Variants in AGAP1 observed in about 807,000 individuals in gnomAD.
AGAP1 encodes the protein ArfGAP with GTPase domain, ankyrin repeat and PH domain 1.
Under a neutral mutation model 105.3 loss-of-function variants are expected in AGAP1, and 29 were observed. The observed-to-expected ratio is 0.28, with a 90% CI of 0.21 to 0.38. The LOEUF is 0.38. AGAP1 is among the 10% of genes least tolerant of loss of function. The pLI, the probability that AGAP1 is intolerant of heterozygous loss-of-function variation, is 1.00. For missense variants in AGAP1, 998 were observed against 1,165.1 expected (o/e 0.86, Z 2.09); for synonymous variants, 509 against 485.9 (o/e 1.05, Z -0.63).
rs916987517 is a variant in AGAP1 at position 235,631,533 on chromosome 2, C to G, written c.164-77646C>G. Among the ~76,000 whole-genome samples, 2 of 152,192 alleles carry G rather than the reference C, an allele frequency of 1.3e-5. No individual in the cohort carries two copies. The highest frequency in any genetic ancestry group is 4.8e-5 in the African/African-American group (2 of 41,450). On this transcript the variant is annotated intron_variant, in intron 1 of 17. Coordinates refer to ENST00000304032, the MANE Select transcript of AGAP1 (RefSeq NM_001037131.3). The surrounding 1 kb of genome is among the most constrained non-coding windows in gnomAD (Gnocchi z 5.4). The stretch of plus-strand genomic sequence containing the variant: ...AAAGGTCAGTCTGCCAAGGCCCCTC[C>G]TTGTGAAGATGGACACTGAGGGCAC...
intron 1 of AGAP1, among the ~76,000 whole-genome samples, chr2:235,558,170 T>G (rs115844141): frequency 1.4e-3 from 210 of 152,174 alleles, no homozygotes; most frequent in African/African-American, 4.9e-3. Flanking sequence ...ACACGCACAT[T>G]TATGGGGATT....
At chr2:235,840,768 G>GTTTT (rs11373301) in intron 9 of AGAP1, among the ~76,000 whole-genome samples, 1 of 146,604 alleles carries the variant, frequency 6.8e-6, no homozygotes. Flanking sequence ...AGAAAGAAGA[G>GTTTT]TTTTTTTTTT....
Position 235,603,388 on chromosome 2 carries a change from A to G in AGAP1, c.164-105791A>G, listed in dbSNP as rs188120573. On this transcript the variant is annotated intron_variant, in intron 1 of 17. Transcript: ENST00000304032. Reference sequence around the variant, plus strand: ...GCATGAAAAACGAACTAAGGCACCTACTGTATTTGTTTTCTTGTCTGTGCA... The same window carrying G: ...GCATGAAAAACGAACTAAGGCACCTGCTGTATTTGTTTTCTTGTCTGTGCA... Among the ~76,000 whole-genome samples the G allele has an allele frequency of 2.6e-4, 40 of 152,248 alleles. No homozygotes were observed. The East Asian group carries it at 7.7e-3, about 29-fold the overall frequency.
intron 9 of AGAP1, among the ~76,000 whole-genome samples, chr2:235,857,516 C>T (rs898365721): frequency 4.6e-5 from 7 of 152,158 alleles, no homozygotes; most frequent in African/African-American, 1.2e-4. Flanking sequence ...TGTGCATGTC[C>T]GTTGAGCAGC....
intron 1 of AGAP1, among the ~76,000 whole-genome samples, chr2:235,513,542 A>G (rs975062460): frequency 1.2e-4 from 18 of 151,640 alleles, no homozygotes; most frequent in African/African-American, 3.4e-4. Context: ...AAAAAAAAAA[A>G]AAAAAGAAAT....
intron 9 of AGAP1, among the ~76,000 whole-genome samples, chr2:235,828,143 TG>T (rs1402168521): frequency 6.6e-6 from 1 of 152,186 alleles, no homozygotes; most frequent in Non-Finnish European, 1.5e-5. Flanking sequence ...TGGGAAATAA[TG>T]GGATTAAATT....
Position 235,875,640 on chromosome 2 carries a change from C to T in AGAP1, c.1051-7705C>T, listed in dbSNP as rs1002986939. On this transcript the variant is annotated intron_variant, in intron 9 of 17. Coordinates refer to ENST00000304032, the MANE Select transcript of AGAP1 (RefSeq NM_001037131.3). This position sits in a 1 kb window ranked among gnomAD's most constrained non-coding sequence, Gnocchi z 4.0. ...GAGTAGAGCTTCTCTCCCCAGCTTT[C>T]CCGGGAGTGTGTGGTCTCCTGTTTC... is the stretch of plus-strand genomic sequence containing the variant. Among the ~76,000 whole-genome samples, 1 of 152,156 alleles carries T rather than the reference C, an allele frequency of 6.6e-6. No individual in the cohort carries two copies. The highest frequency in any genetic ancestry group is 2.4e-5 in the African/African-American group (1 of 41,446).
At chr2:236,010,136 A>G (rs1343389358) in intron 13 of AGAP1, among the ~76,000 whole-genome samples, 1 of 151,958 alleles carries the variant, frequency 6.6e-6, no homozygotes, top group African/African-American at 2.4e-5. Flanking sequence ...AAAACAAAAA[A>G]CTTTTAGAGA....
intron 1 of AGAP1, among the ~76,000 whole-genome samples, chr2:235,694,327 A>G (rs965930031): frequency 1.3e-5 from 2 of 151,876 alleles, no homozygotes; most frequent in Non-Finnish European, 2.9e-5. Flanking sequence ...AAAATACAAA[A>G]AGTTAGCTGG....
rs934610230 is a variant in AGAP1 at position 235,741,823 on chromosome 2, G to A, written c.396+775G>A. ...GGCTGGAGTGCAGTGACGTGATCTC[G>A]GCTCACTACAAGCTCCACCTCCCAG... On this transcript the variant is annotated intron_variant, in intron 4 of 17. Transcript: ENST00000304032. The surrounding 1 kb of genome is among the most constrained non-coding windows in gnomAD (Gnocchi z 4.9). Among the ~76,000 whole-genome samples the A allele has an allele frequency of 6.6e-6, 1 of 150,414 alleles. No individual in the cohort carries two copies. Among genetic ancestry groups the A allele is most frequent in the African/African-American group, 2.5e-5 (1 of 40,802 alleles).
At position 235,739,038 on chromosome 2, in the gene AGAP1, TA is replaced by T. The variant is rs1952423011; in HGVS notation, c.311-1921del. On this transcript the variant is annotated intron_variant, in intron 3 of 17. Transcript: ENST00000304032. The surrounding 1 kb of genome is among the most constrained non-coding windows in gnomAD (Gnocchi z 5.3). ...AAATACGACTTTTATTAAAGCAGGT[TA>T]AAAGAACCTTGGCAGAAATTTCAAA... 6.6e-6 allele frequency among the ~76,000 whole-genome samples: 1 copy of T among 152,214 alleles called. No individual in the cohort carries two copies. The highest frequency in any genetic ancestry group is 1.5e-5 in the Non-Finnish European group (1 of 68,038).
Position 235,690,096 on chromosome 2 carries a change from A to G in AGAP1, c.164-19083A>G, listed in dbSNP as rs1289701224. 6.6e-6 allele frequency among the ~76,000 whole-genome samples: 1 copy of G among 150,930 alleles called. No homozygotes were observed. The highest frequency in any genetic ancestry group is 1.5e-5 in the Non-Finnish European group (1 of 67,744). On this transcript the variant is annotated intron_variant, in intron 1 of 17. Coordinates refer to ENST00000304032, the MANE Select transcript of AGAP1 (RefSeq NM_001037131.3). This position sits in a 1 kb window ranked among gnomAD's most constrained non-coding sequence, Gnocchi z 4.1. ...CTCGGGGTTTTCATGCAGTATTGAC[A>G]CTCTCTTCTCCCCAGGTGCTGAGTC...
At chr2:235,760,428 C>T (rs150007290) in intron 6 of AGAP1, among the ~76,000 whole-genome samples, 3 of 152,282 alleles carry the variant, frequency 2.0e-5, no homozygotes, top group East Asian at 1.9e-4. Flanking sequence ...AGATAGAATT[C>T]GTTATGAAGC....
At chr2:235,823,530 C>G (rs894384169) in intron 9 of AGAP1, among the ~76,000 whole-genome samples, 4 of 152,160 alleles carry the variant, frequency 2.6e-5, no homozygotes, top group Non-Finnish European at 5.9e-5. Context: ...CATCTTATAC[C>G]TAGGGAAACT....
In AGAP1 at chr2:235,639,704, C is replaced by T. The variant is rs114686586; in HGVS notation, c.164-69475C>T. On this transcript the variant is annotated intron_variant, in intron 1 of 17. Coordinates refer to ENST00000304032, the MANE Select transcript of AGAP1 (RefSeq NM_001037131.3). This position sits in a 1 kb window ranked among gnomAD's most constrained non-coding sequence, Gnocchi z 5.3. ...CTCCTTCACTCTTAGATAGTGGCAGCGCTTGCCTCGCTGCATCTCGTGTTC... is the reference window on the plus strand; with the variant it reads ...CTCCTTCACTCTTAGATAGTGGCAGTGCTTGCCTCGCTGCATCTCGTGTTC... 0.014 allele frequency among the ~76,000 whole-genome samples: 2,055 copies of T among 152,220 alleles called. 45 individuals carry two copies. The highest frequency in any genetic ancestry group is 0.046 in the African/African-American group (1,896 of 41,520).
intron 1 of AGAP1, among the ~76,000 whole-genome samples, chr2:235,504,269 G>C (rs182524073): frequency 6.6e-6 from 1 of 152,214 alleles, no homozygotes; most frequent in Non-Finnish European, 1.5e-5. Context: ...CTCATCTGTC[G>C]TGAGGGTCGT....
intron 1 of AGAP1, among the ~76,000 whole-genome samples, chr2:235,503,356 G>A (rs778226420): frequency 2.8e-4 from 43 of 152,308 alleles, no homozygotes; most frequent in Non-Finnish European, 7.3e-5. Flanking sequence ...GGGTGCTGCT[G>A]TGAGCCGGGA....
Position 236,092,881 on chromosome 2 carries a change from A to C in AGAP1, c.2115-27311A>C, listed in dbSNP as rs1357453703. ...TGGAGCATCCTGCTGTGCCAGAAAG[A>C]AAGCACAGAGCTACCAGGGACCAGG... On this transcript the variant is annotated intron_variant, in intron 16 of 17. Coordinates refer to ENST00000304032, the MANE Select transcript of AGAP1 (RefSeq NM_001037131.3). The surrounding 1 kb of genome is among the most constrained non-coding windows in gnomAD (Gnocchi z 4.7). Among the ~76,000 whole-genome samples, 1 of 152,244 alleles carries C rather than the reference A, an allele frequency of 6.6e-6. No individual in the cohort carries two copies. The highest frequency in any genetic ancestry group is 1.5e-5 in the Non-Finnish European group (1 of 68,052).
At chr2:235,916,607 C>G (rs1184582411) in intron 11 of AGAP1, among the ~76,000 whole-genome samples, 1 of 152,164 alleles carries the variant, frequency 6.6e-6, no homozygotes. Context: ...CTGAAGTTGT[C>G]TCACTAAACC....
Sources: allele counts gnomAD v4.1 joint callset (sites outside exome capture counted in the v4.1 genomes callset), GRCh38; gene constraint gnomAD v4.1.1; non-coding constraint Gnocchi (gnomAD v3.1); transcripts MANE v1.5; gene names NCBI Gene and HGNC (gene_info 2026-07-23, HGNC 2026-07-21).